PIBF1: variants seen among roughly 807,000 people sequenced by gnomAD.
The protein encoded by PIBF1 is progesterone-induced-blocking factor 1.
In PIBF1, 90 loss-of-function variants were observed where a neutral mutation model predicts 112.5. That is an observed-to-expected ratio of 0.80 (90% CI 0.67 to 0.95). The LOEUF is 0.95. Ranked by LOEUF, PIBF1 falls within the 40% of genes least tolerant of loss-of-function variation. The pLI is 0.00. For missense variants in PIBF1, 915 were observed against 852.3 expected (o/e 1.07, Z -0.92); for synonymous variants, 301 against 288.6 (o/e 1.04, Z -0.44).
chr13:72,919,712 A>G (rs1010456153), intron 13 of PIBF1, among the ~76,000 whole-genome samples: 1 of 150,920 alleles, frequency 6.6e-6, no homozygotes, highest in African/African-American at 2.4e-5. Context: ...TCACACCTGT[A>G]TTCCCAACAC....
chr13:72,825,796 C>T (rs1415122758), intron 6 of PIBF1, among the ~76,000 whole-genome samples: 1 of 151,676 alleles, frequency 6.6e-6, no homozygotes, highest in Non-Finnish European at 1.5e-5. Flanking sequence ...CTGGTTACAG[C>T]GTGTCATGTC....
At chr13:73,010,369 G>A (rs1372380060) in intron 17 of PIBF1, among the ~76,000 whole-genome samples, 3 of 151,666 alleles carry the variant, frequency 2.0e-5, no homozygotes, top group Admixed American at 6.6e-5. Flanking sequence ...TTGGGAGGCC[G>A]AGGCAGGCGA....
At chr13:72,907,915 G>A (rs1037828214) in intron 11 of PIBF1, among the ~76,000 whole-genome samples, 3 of 151,956 alleles carry the variant, frequency 2.0e-5, no homozygotes, top group Non-Finnish European at 4.4e-5. Context: ...TTTTTTGCTT[G>A]TATACAAAAT....
intron 9 of PIBF1, among the ~76,000 whole-genome samples, chr13:72,848,169 A>T (rs1347499130): frequency 6.6e-6 from 1 of 152,112 alleles, no homozygotes; most frequent in Non-Finnish European, 1.5e-5. Context: ...TTAAGTTCTG[A>T]GGCATTAGGG....
intron 10 of PIBF1, among the ~76,000 whole-genome samples, chr13:72,872,447 A>G (rs1180400670): frequency 6.6e-6 from 1 of 152,184 alleles, no homozygotes; most frequent in Non-Finnish European, 1.5e-5. Flanking sequence ...GTTGACATAT[A>G]AGAATAAGGA....
intron 14 of PIBF1, among the ~76,000 whole-genome samples, chr13:72,951,506 T>C (rs2042294697): frequency 6.6e-6 from 1 of 152,064 alleles, no homozygotes; most frequent in Admixed American, 6.6e-5. Context: ...TCTTATAATA[T>C]CTAAGGGGTG....
chr13:72,840,938 C>G (rs1299015592), intron 9 of PIBF1, among the ~76,000 whole-genome samples: 2 of 152,094 alleles, frequency 1.3e-5, no homozygotes, highest in Non-Finnish European at 2.9e-5. Context: ...CTTTTCTCTT[C>G]TTTAATATGG....
intron 15 of PIBF1, among the ~76,000 whole-genome samples, chr13:72,971,526 A>G (rs1275377107): frequency 6.6e-6 from 1 of 152,114 alleles, no homozygotes; most frequent in Non-Finnish European, 1.5e-5. Context: ...GCCTAACTCT[A>G]AAAGTCAGTT....
Position 72,784,682 on chromosome 13 carries a change from C to A in PIBF1, c.252+961C>A, listed in dbSNP as rs1194089244. Among the ~76,000 whole-genome samples the A allele has an allele frequency of 5.3e-5, 8 of 151,886 alleles. No homozygotes were observed. The East Asian group carries it at 1.5e-3, about 29-fold the overall frequency. On this transcript the variant is annotated intron_variant, in intron 2 of 17. Transcript: ENST00000326291. Reference sequence around the variant, plus strand: ...GCTGAGGCGGGAGAATCACTTGAATCCGGGGGCAGACATTGCAGTGAGCTG... The same window carrying A: ...GCTGAGGCGGGAGAATCACTTGAATACGGGGGCAGACATTGCAGTGAGCTG...
intron 16 of PIBF1, 150 bp downstream of exon 16, chr13:72,973,825 T>A (rs2042958402): frequency 1.8e-6 from 1 of 552,434 alleles, no homozygotes; most frequent in South Asian, 2.8e-5. Flanking sequence ...TTTATTCAAC[T>A]TTTGATATAC....
chr13:72,864,544 T>C (rs1009405990), intron 10 of PIBF1, among the ~76,000 whole-genome samples: 2 of 152,172 alleles, frequency 1.3e-5, no homozygotes, highest in African/African-American at 2.4e-5. Flanking sequence ...GTTGTGTGTG[T>C]GCGCATGTGC....
At chr13:72,958,198 A>T (rs1002950907) in intron 14 of PIBF1, among the ~76,000 whole-genome samples, 1 of 149,922 alleles carries the variant, frequency 6.7e-6, no homozygotes, top group Non-Finnish European at 1.5e-5. Context: ...AGAGGTTGTG[A>T]TTAAGTAAGT....
At chr13:72,903,668 G>A (rs181927364) in intron 11 of PIBF1, among the ~76,000 whole-genome samples, 11 of 152,274 alleles carry the variant, frequency 7.2e-5, no homozygotes, top group African/African-American at 2.6e-4. Flanking sequence ...GCATGCTCTA[G>A]ACAATTAACC....
intron 10 of PIBF1, among the ~76,000 whole-genome samples, chr13:72,858,551 T>C (rs1272844019): frequency 6.6e-6 from 1 of 152,234 alleles, no homozygotes; most frequent in African/African-American, 2.4e-5. Context: ...AGTGGCTCTT[T>C]ATATCAGGAC....
chr13:72,809,597 T>C (rs2035906849), intron 5 of PIBF1, among the ~76,000 whole-genome samples: 1 of 148,536 alleles, frequency 6.7e-6, no homozygotes, highest in African/African-American at 2.5e-5. Flanking sequence ...TGGTTTTTTT[T>C]TTTTTTTTTT....
At position 72,891,991 on chromosome 13, in the gene PIBF1, A is replaced by G. The variant is rs564521644; in HGVS notation, c.1323-1793A>G. 3.3e-5 allele frequency among the ~76,000 whole-genome samples: 5 copies of G among 152,288 alleles called. No individual in the cohort carries two copies. In the South Asian group the frequency reaches 1.0e-3, roughly 32 times the overall value. On this transcript the variant is annotated intron_variant, in intron 10 of 17. Coordinates refer to ENST00000326291, the MANE Select transcript of PIBF1 (RefSeq NM_006346.4). Reference sequence around the variant, plus strand: ...ATGTTCAGAGTAAGCAAACTTTTAGAGACAAAAAGTAGATCAGTGGTTGCC... The same window carrying G: ...ATGTTCAGAGTAAGCAAACTTTTAGGGACAAAAAGTAGATCAGTGGTTGCC...
chr13:72,803,470 TA>T (rs1408667298), intron 5 of PIBF1, among the ~76,000 whole-genome samples: 1 of 152,180 alleles, frequency 6.6e-6, no homozygotes, highest in East Asian at 1.9e-4. Flanking sequence ...GAGTCATGTA[TA>T]TTTGGGGTAT....
intron 14 of PIBF1, among the ~76,000 whole-genome samples, chr13:72,957,445 C>A (rs2042477892): frequency 1.3e-5 from 2 of 152,078 alleles, no homozygotes; most frequent in Admixed American, 6.5e-5. Context: ...CTCTCACTTA[C>A]AAGTCACAGC....
intron 5 of PIBF1, among the ~76,000 whole-genome samples, chr13:72,820,083 CA>C (rs1402940091): frequency 6.6e-6 from 1 of 152,066 alleles, no homozygotes; most frequent in Admixed American, 6.6e-5. Flanking sequence ...AGCATTATAA[CA>C]ATATTAATTT....
Sources: allele counts gnomAD v4.1 joint callset (sites outside exome capture counted in the v4.1 genomes callset), GRCh38; gene constraint gnomAD v4.1.1; transcripts MANE v1.5; gene names NCBI Gene and HGNC (gene_info 2026-07-23, HGNC 2026-07-21).